Variants in CCDC85A observed in about 807,000 individuals in gnomAD.
CCDC85A encodes coiled-coil domain containing 85A, also known as coiled-coil domain-containing protein 85A.
Under a neutral mutation model 50.2 loss-of-function variants are expected in CCDC85A, and 38 were observed. The observed-to-expected ratio is 0.76, with a 90% confidence interval of 0.58 to 0.99. The LOEUF (loss-of-function observed/expected upper bound fraction) is 0.99, where lower values mean the gene tolerates loss of function less well. Among genes scored for constraint, CCDC85A ranks in the 50% least tolerant of loss-of-function variants. CCDC85A has a pLI of 0.00. For missense variants in CCDC85A, 820 were observed against 742.0 expected (o/e 1.11, Z -1.22); for synonymous variants, 366 against 301.4 (o/e 1.21, Z -2.22).
rs540669530 is a variant in CCDC85A at position 56,352,469 on chromosome 2, C to T, written c.1317+9514C>T. Among the ~76,000 whole-genome samples the T allele has an allele frequency of 1.6e-4, 24 of 152,248 alleles. No individual in the cohort carries two copies. In the South Asian group the frequency reaches 4.6e-3, roughly 29 times the overall value. ...CGAGTGATTCTCCTGCCTCAGCCTC[C>T]TGAGTAGCTGGGATTACAGGCACGC... On this transcript the variant is annotated intron_variant, in intron 3 of 5. Coordinates refer to ENST00000407595, the MANE Select transcript of CCDC85A (RefSeq NM_001080433.2).
intron 1 of CCDC85A, among the ~76,000 whole-genome samples, chr2:56,188,571 A>G (rs749963905): frequency 6.6e-5 from 10 of 152,392 alleles, no homozygotes; most frequent in Admixed American, 1.3e-4. Context: ...TGAGCTTTCT[A>G]TCAAATGCCA....
intron 2 of CCDC85A, among the ~76,000 whole-genome samples, chr2:56,230,088 C>G (rs1428918612): frequency 6.6e-5 from 10 of 152,184 alleles, no homozygotes; most frequent in Non-Finnish European, 8.8e-5. Context: ...TTGTCAGATT[C>G]AGCAGTGAAA....
intron 2 of CCDC85A, among the ~76,000 whole-genome samples, chr2:56,210,966 C>G (rs1292292626): frequency 6.6e-6 from 1 of 152,034 alleles, no homozygotes; most frequent in Non-Finnish European, 1.5e-5. Flanking sequence ...TGTTTTAAAA[C>G]CACTGACATA....
intron 2 of CCDC85A, among the ~76,000 whole-genome samples, chr2:56,275,415 T>A (rs1032722417): frequency 3.2e-4 from 49 of 152,220 alleles, no homozygotes; most frequent in Middle Eastern, 3.4e-3. Flanking sequence ...ATGAAATAGA[T>A]CATCACTGCT....
At chr2:56,209,098 T>A (rs942501405) in intron 2 of CCDC85A, among the ~76,000 whole-genome samples, 2 of 152,098 alleles carry the variant, frequency 1.3e-5, no homozygotes, top group Non-Finnish European at 2.9e-5. Flanking sequence ...TGGTGGTAGA[T>A]TTGAATTTGC....
chr2:56,296,553 G>C (rs1671957374), intron 2 of CCDC85A, among the ~76,000 whole-genome samples: 1 of 152,104 alleles, frequency 6.6e-6, no homozygotes, highest in Admixed American at 6.6e-5. Flanking sequence ...TCTAGAGTAG[G>C]GAAAGGAATT....
chr2:56,215,540 G>T (rs1573037029), intron 2 of CCDC85A, among the ~76,000 whole-genome samples: 1 of 150,202 alleles, frequency 6.7e-6, no homozygotes, highest in Non-Finnish European at 1.5e-5. Flanking sequence ...AAAAAATCAA[G>T]TTGAGGAAGT....
At position 56,372,285 on chromosome 2, in the gene CCDC85A, T is replaced by C. The variant is rs906482770; in HGVS notation, c.1318-59T>C. On this transcript the variant is annotated intron_variant, in intron 3 of 5. Coordinates refer to ENST00000407595, the MANE Select transcript of CCDC85A (RefSeq NM_001080433.2). ...TAAGCTTCATGTTCTATCTGCTTTC[T>C]TGAGACTTGGGAAACAGTATTTTTC... 5 of 1,437,860 alleles carry C rather than the reference T, an allele frequency of 3.5e-6. No homozygotes were observed. In the African/African-American group the frequency reaches 5.7e-5, roughly 16 times the overall value. 89.1% of individuals were successfully genotyped at this position (1,437,860 alleles called of 1,614,324 possible).
chr2:56,263,321 A>G (rs1281702292), intron 2 of CCDC85A, among the ~76,000 whole-genome samples: 1 of 152,262 alleles, frequency 6.6e-6, no homozygotes, highest in East Asian at 1.9e-4. Context: ...CTTGATTAAG[A>G]AATCCATTCT....
intron 5 of CCDC85A, among the ~76,000 whole-genome samples, chr2:56,379,173 G>A (rs939576436): frequency 2.0e-5 from 3 of 152,068 alleles, no homozygotes; most frequent in Non-Finnish European, 4.4e-5. Context: ...ACTATAAGGA[G>A]CCAGTGCTTC....
intron 2 of CCDC85A, among the ~76,000 whole-genome samples, chr2:56,244,089 C>G (rs1413638662): frequency 6.6e-6 from 1 of 152,178 alleles, no homozygotes; most frequent in African/African-American, 2.4e-5. Flanking sequence ...CCTATGTTCA[C>G]TCAAGACACT....
chr2:56,321,956 T>A lies in CCDC85A; in HGVS notation c.1241-20923T>A, dbSNP rs1015037919. ...GTACCAAAACAGAGATATAGACCAA[T>A]GGAACAGAATAGAGCCCTCAGAAAT... On this transcript the variant is annotated intron_variant, in intron 2 of 5. Transcript: ENST00000407595. Among the ~76,000 whole-genome samples, 7 of 152,200 alleles carry A rather than the reference T, an allele frequency of 4.6e-5. No homozygotes were observed. The South Asian group carries it at 8.3e-4, about 18-fold the overall frequency.
intron 3 of CCDC85A, among the ~76,000 whole-genome samples, chr2:56,346,995 T>G (rs915969538): frequency 6.6e-6 from 1 of 152,218 alleles, no homozygotes; most frequent in African/African-American, 2.4e-5. Flanking sequence ...CATTAACTTT[T>G]GAATCCAGTG....
chr2:56,242,010 A>G (rs1023589003), intron 2 of CCDC85A, among the ~76,000 whole-genome samples: 12 of 152,246 alleles, frequency 7.9e-5, no homozygotes, highest in African/African-American at 2.6e-4. Flanking sequence ...TGTCTTTTGG[A>G]TAAAAGCCAT....
At chr2:56,338,982 T>G (rs1229535993) in intron 2 of CCDC85A, among the ~76,000 whole-genome samples, 1 of 152,188 alleles carries the variant, frequency 6.6e-6, no homozygotes, top group African/African-American at 2.4e-5. Context: ...AAGAGTGTAT[T>G]TTTGTTTGAG....
Position 56,367,265 on chromosome 2 carries a change from T to C in CCDC85A, c.1318-5079T>C, listed in dbSNP as rs562285735. ...TTCTGCTAGTGTTGTTACAGTAGGATGATATGGGTATTTTCAATTCTGTTT... is the reference window on the plus strand; with the variant it reads ...TTCTGCTAGTGTTGTTACAGTAGGACGATATGGGTATTTTCAATTCTGTTT... On this transcript the variant is annotated intron_variant, in intron 3 of 5. Transcript: ENST00000407595. Among the ~76,000 whole-genome samples, 46 of 152,290 alleles carry C rather than the reference T, an allele frequency of 3.0e-4. 1 individual carries two copies. The South Asian group carries it at 9.5e-3, about 32-fold the overall frequency.
intron 2 of CCDC85A, among the ~76,000 whole-genome samples, chr2:56,312,619 C>T (rs1233169168): frequency 1.3e-5 from 2 of 152,072 alleles, no homozygotes; most frequent in Non-Finnish European, 1.5e-5. Flanking sequence ...ACCTATAATA[C>T]CAAATCCTTG....
chr2:56,252,933 C>T (rs1360881751), intron 2 of CCDC85A, among the ~76,000 whole-genome samples: 3 of 152,052 alleles, frequency 2.0e-5, no homozygotes, highest in Non-Finnish European at 4.4e-5. Flanking sequence ...GCAGGAGAAT[C>T]ACTTGAACTG....
intron 2 of CCDC85A, among the ~76,000 whole-genome samples, chr2:56,277,490 G>C (rs1266597333): frequency 6.6e-6 from 1 of 151,760 alleles, no homozygotes; most frequent in Admixed American, 6.6e-5. Flanking sequence ...CTTTCCATTT[G>C]ACACTGGAGA....
Sources: allele counts gnomAD v4.1 joint callset (sites outside exome capture counted in the v4.1 genomes callset), GRCh38; gene constraint gnomAD v4.1.1; transcripts MANE v1.5; gene names NCBI Gene and HGNC (gene_info 2026-07-23, HGNC 2026-07-21).